The following KCNH5 variants were observed in gnomAD, a reference collection of about 807,000 sequenced individuals.
KCNH5 encodes potassium voltage-gated channel subfamily H member 5.
A neutral mutation model predicts 96.1 loss-of-function variants in KCNH5; 46 were observed. The ratio of observed to expected loss-of-function variants is 0.48; its 90% CI spans 0.38 to 0.61. KCNH5 has a LOEUF of 0.61. Among genes scored for constraint, KCNH5 ranks in the 20% least tolerant of loss-of-function variants. KCNH5 has a pLI of 0.00. For synonymous variants in KCNH5, 439 were observed against 449.8 expected, an observed-to-expected ratio of 0.98 and a Z score of 0.30; for missense variants, 907 against 1,225.8, an observed-to-expected ratio of 0.74 and a Z score of 3.88.
At chr14:62,910,703 G>T (rs986849057) in intron 7 of KCNH5, among the ~76,000 whole-genome samples, 19 of 152,066 alleles carry the variant, frequency 1.2e-4, no homozygotes, top group African/African-American at 3.9e-4. Flanking sequence ...TCTCTCTCAC[G>T]ACTCTAACCA....
At chr14:62,877,189 T>C (rs1054198992) in intron 7 of KCNH5, among the ~76,000 whole-genome samples, 10 of 151,666 alleles carry the variant, frequency 6.6e-5, no homozygotes, top group Non-Finnish European at 1.2e-4. Context: ...ATACAAAAAT[T>C]AATTCAAGAT....
At position 62,705,517 on chromosome 14, in the gene KCNH5, T is replaced by C. The variant is rs1884412285; in HGVS notation, c.*1991A>G. 6.6e-6 allele frequency: 1 copy of C among 151,998 alleles called. No individual in the cohort carries two copies. Among genetic ancestry groups the C allele is most frequent in the South Asian group, 2.1e-4 (1 of 4,828 alleles). The allele number at this position is 151,998 out of a possible 1,614,324, so 9.4% of individuals were successfully genotyped here. ...CATAATTATTTCATTTTCTTGTGTT[T>C]GTGGTAGGTAGATATTGTAGCATTA... On this transcript the variant is annotated 3_prime_UTR_variant, in exon 11 of 11. Coordinates refer to ENST00000322893, the MANE Select transcript of KCNH5 (RefSeq NM_139318.5).
At chr14:62,924,305 A>C (rs1274840694) in intron 7 of KCNH5, among the ~76,000 whole-genome samples, 7 of 152,032 alleles carry the variant, frequency 4.6e-5, no homozygotes, top group Non-Finnish European at 4.4e-5. Context: ...CTATTATCAA[A>C]AAGTCAAAAG....
chr14:62,914,554 C>G (rs11158460), intron 7 of KCNH5, among the ~76,000 whole-genome samples: 18,176 of 152,060 alleles, frequency 0.12, 1,154 homozygotes, highest in African/African-American at 0.16. Context: ...CTGGAAGAGA[C>G]AAAAATCTTA....
At chr14:62,963,789 G>A (rs1358433307) in intron 6 of KCNH5, among the ~76,000 whole-genome samples, 1 of 152,090 alleles carries the variant, frequency 6.6e-6, no homozygotes, top group Non-Finnish European at 1.5e-5. Context: ...AAGTTGAGAT[G>A]AAATTAACAA....
chr14:62,905,993 C>T (rs149336005), intron 7 of KCNH5, among the ~76,000 whole-genome samples: 52 of 152,294 alleles, frequency 3.4e-4, no homozygotes, highest in African/African-American at 1.2e-3. Flanking sequence ...GCCTCCCTTA[C>T]TCAAAAAGGT....
At position 62,773,415 on chromosome 14, in the gene KCNH5, G is replaced by A. The variant is rs189329357; in HGVS notation, c.2019+6313C>T. On this transcript the variant is annotated intron_variant, in intron 10 of 10. Coordinates refer to ENST00000322893, the MANE Select transcript of KCNH5 (RefSeq NM_139318.5). The stretch of plus-strand genomic sequence containing the variant: ...AATTCATCTCCTTTATGCCGCCTGT[G>A]TACTGAGAATAACCCTCTCGTAGCA... 3.8e-4 allele frequency among the ~76,000 whole-genome samples: 58 copies of A among 152,216 alleles called. 1 individual carries two copies. The East Asian group carries it at 9.8e-3, about 26-fold the overall frequency.
intron 1 of KCNH5, among the ~76,000 whole-genome samples, chr14:63,024,857 TTA>T (rs1891496627): frequency 1.3e-5 from 2 of 152,026 alleles, no homozygotes; most frequent in Non-Finnish European, 2.9e-5. Context: ...TTCCAAAAAA[TTA>T]AAAAGGAGAG....
Position 62,981,088 on chromosome 14 carries a change from C to T in KCNH5, c.726G>A (p.Gln242=), listed in dbSNP as rs115681315. The T allele has an allele frequency of 2.4e-5, 39 of 1,614,130 alleles. No homozygotes were observed. In the East Asian group the frequency reaches 8.2e-4, roughly 34 times the overall value. The part of the protein sequence containing the change: ...VPYNVSFKTK[Q]NNIAWLVLDS... The stretch of plus-strand genomic sequence containing the variant: ...CCAGTACCAGCCAGGCTATGTTGTT[C>T]TGCTTTGTTTTGAAGGAAACATTAT... The change falls in exon 6 of 11, where the codon CAG becomes CAA. Residue 242 remains glutamine (Q), a synonymous_variant. Transcript: ENST00000322893.
chr14:62,930,809 T>C (rs1889566623), intron 7 of KCNH5, among the ~76,000 whole-genome samples: 1 of 152,174 alleles, frequency 6.6e-6, no homozygotes, highest in African/African-American at 2.4e-5. Flanking sequence ...TGTCCACTTC[T>C]AGTCCAATGA....
At chr14:62,722,681 C>T (rs1473664894) in intron 10 of KCNH5, among the ~76,000 whole-genome samples, 3 of 152,168 alleles carry the variant, frequency 2.0e-5, no homozygotes, top group Admixed American at 1.3e-4. Flanking sequence ...TGGGACTCTT[C>T]GGTATGTATG....
intron 7 of KCNH5, among the ~76,000 whole-genome samples, chr14:62,890,421 C>T (rs1450444946): frequency 2.6e-5 from 4 of 151,630 alleles, no homozygotes; most frequent in Admixed American, 6.6e-5. Context: ...AAGGGCCGGG[C>T]GCGGTGGCTC....
At chr14:62,960,156 C>T (rs572448181) in intron 6 of KCNH5, among the ~76,000 whole-genome samples, 3 of 152,144 alleles carry the variant, frequency 2.0e-5, no homozygotes, top group African/African-American at 7.2e-5. Flanking sequence ...ATGGAATGTT[C>T]TATAATTCTT....
chr14:62,780,490 A>G lies in KCNH5; in HGVS notation c.1823-566T>C, dbSNP rs567626884. On this transcript the variant is annotated intron_variant, in intron 9 of 10. Transcript: ENST00000322893. ...ATACAGGTTCTCGGAGTCCAGCCCA[A>G]GAGCTCCCCATCCACAATTACAAAG... 3.3e-5 allele frequency among the ~76,000 whole-genome samples: 5 copies of G among 152,304 alleles called. No individual in the cohort carries two copies. In the South Asian group the frequency reaches 1.0e-3, roughly 32 times the overall value.
intron 8 of KCNH5, among the ~76,000 whole-genome samples, chr14:62,810,991 G>A (rs1215078132): frequency 2.0e-5 from 3 of 151,930 alleles, no homozygotes; most frequent in South Asian, 2.1e-4. Context: ...CTGACCCAAC[G>A]GCTATCTTTG....
chr14:62,874,295 C>T (rs575252413), intron 7 of KCNH5, among the ~76,000 whole-genome samples: 1 of 152,072 alleles, frequency 6.6e-6, no homozygotes, highest in African/African-American at 2.4e-5. Context: ...AAAACCTCAT[C>T]AAAAAGTAGG....
chr14:62,996,846 C>T (rs1890914028), intron 4 of KCNH5, among the ~76,000 whole-genome samples: 1 of 152,100 alleles, frequency 6.6e-6, no homozygotes, highest in South Asian at 2.1e-4. Flanking sequence ...TAAGAGAAAA[C>T]AATAATCATG....
At chr14:62,761,841 G>A (rs1885757694) in intron 10 of KCNH5, among the ~76,000 whole-genome samples, 1 of 152,188 alleles carries the variant, frequency 6.6e-6, no homozygotes, top group South Asian at 2.1e-4. Flanking sequence ...CTGGCACACT[G>A]TGAGGGGACC....
intron 10 of KCNH5, among the ~76,000 whole-genome samples, chr14:62,729,404 A>G (rs1405096623): frequency 1.3e-5 from 2 of 152,340 alleles, no homozygotes; most frequent in East Asian, 3.9e-4. Context: ...GCAAAGGAGG[A>G]CATATGAACA....
Sources: gnomAD v4.1 joint callset for allele counts (sites outside exome capture counted in the v4.1 genomes callset) on GRCh38, gnomAD v4.1.1 for gene constraint, MANE v1.5 for transcripts, NCBI Gene and HGNC (gene_info 2026-07-23, HGNC 2026-07-21) for gene names.